Variants in NRXN3 observed in about 807,000 individuals in gnomAD.
NRXN3 encodes the protein neurexin 3, also known as neurexin III.
Under a neutral mutation model 137.6 loss-of-function variants are expected in NRXN3, and 32 were observed. The ratio of observed to expected loss-of-function variants is 0.23; its 90% CI spans 0.18 to 0.31. The LOEUF (loss-of-function observed/expected upper bound fraction) is 0.31. NRXN3 is among the 10% of genes least tolerant of loss of function. NRXN3 has a pLI of 1.00. For missense variants in NRXN3, 1,574 were observed against 2,062.5 expected (o/e 0.76, Z 4.59); for synonymous variants, 798 against 784.5 (o/e 1.02, Z -0.29).
intron 15 of NRXN3, among the ~76,000 whole-genome samples, chr14:79,155,110 C>A (rs757661721): frequency 3.0e-4 from 45 of 151,884 alleles, no homozygotes; most frequent in Admixed American, 4.6e-4. Context: ...TGTCACATTG[C>A]CACATGGAGC....
At chr14:79,674,035 A>G (rs1240939024) in intron 17 of NRXN3, among the ~76,000 whole-genome samples, 2 of 152,052 alleles carry the variant, frequency 1.3e-5, no homozygotes, top group Non-Finnish European at 2.9e-5. Flanking sequence ...AGAAGGTGCT[A>G]CTATTGAGGT....
chr14:78,366,411 TTG>T (rs1182436948), intron 4 of NRXN3, among the ~76,000 whole-genome samples: 1 of 152,158 alleles, frequency 6.6e-6, no homozygotes, highest in African/African-American at 2.4e-5. Flanking sequence ...AATAAAAAAT[TTG>T]TGTTTAAAAT....
intron 15 of NRXN3, among the ~76,000 whole-genome samples, chr14:79,405,360 G>C (rs149573637): frequency 6.6e-6 from 1 of 152,270 alleles, no homozygotes; most frequent in African/African-American, 2.4e-5. Flanking sequence ...TGTGCACTGG[G>C]AGAGTGAGAG....
chr14:79,134,031 C>T (rs201859945), intron 15 of NRXN3, among the ~76,000 whole-genome samples: 2 of 152,012 alleles, frequency 1.3e-5, no homozygotes, highest in South Asian at 2.1e-4. Context: ...GTCCTCATTC[C>T]GTATCTCCAT....
At chr14:79,099,592 T>C (rs1414070203) in intron 15 of NRXN3, among the ~76,000 whole-genome samples, 2 of 152,184 alleles carry the variant, frequency 1.3e-5, no homozygotes, top group Non-Finnish European at 2.9e-5. Context: ...GCCACCTTTA[T>C]TTAGGATCAT....
At chr14:78,767,123 G>T (rs769127017) in intron 8 of NRXN3, among the ~76,000 whole-genome samples, 70 of 152,176 alleles carry the variant, frequency 4.6e-4, no homozygotes, top group Non-Finnish European at 8.8e-4. Context: ...GCACAAAGAT[G>T]CAATCAAGCA....
intron 20 of NRXN3, among the ~76,000 whole-genome samples, chr14:79,815,443 A>G (rs2099248733): frequency 6.6e-6 from 1 of 152,226 alleles, no homozygotes; most frequent in Non-Finnish European, 1.5e-5. Context: ...GAGATCTTTC[A>G]GTCAGGCCAG....
intron 15 of NRXN3, among the ~76,000 whole-genome samples, chr14:79,256,489 GC>G (rs1208527117): frequency 6.6e-6 from 1 of 152,092 alleles, no homozygotes; most frequent in African/African-American, 2.4e-5. Context: ...GTAGTAGAGT[GC>G]CCCCTAGCAC....
chr14:79,404,656 G>A (rs984722145), intron 15 of NRXN3, among the ~76,000 whole-genome samples: 3 of 152,142 alleles, frequency 2.0e-5, no homozygotes, highest in South Asian at 2.1e-4. Flanking sequence ...ATTTAAAAAT[G>A]TATAAAGGGC....
intron 16 of NRXN3, among the ~76,000 whole-genome samples, chr14:79,522,427 C>G (rs780868268): frequency 3.9e-5 from 6 of 152,052 alleles, no homozygotes; most frequent in Non-Finnish European, 8.8e-5. Context: ...CCCAGAATTT[C>G]TTATGTAGGA....
intron 15 of NRXN3, chr14:79,246,526 C>T (rs1281275292): frequency 1.3e-5 from 2 of 152,200 alleles, no homozygotes; most frequent in African/African-American, 4.8e-5. Flanking sequence ...CCTCACCCTT[C>T]CCTTGTGATC....
intron 15 of NRXN3, among the ~76,000 whole-genome samples, chr14:79,130,688 T>C (rs2057335231): frequency 6.6e-6 from 1 of 152,174 alleles, no homozygotes; most frequent in African/African-American, 2.4e-5. Context: ...AGTACCTTTG[T>C]GGCGTTCTCT....
chr14:78,590,230 T>C (rs2097104517), intron 4 of NRXN3, among the ~76,000 whole-genome samples: 1 of 152,190 alleles, frequency 6.6e-6, no homozygotes, highest in African/African-American at 2.4e-5. Flanking sequence ...TCCATCATGG[T>C]CTGCTCCCAA....
At chr14:79,617,586 C>T (rs1442302684) in intron 16 of NRXN3, among the ~76,000 whole-genome samples, 1 of 152,136 alleles carries the variant, frequency 6.6e-6, no homozygotes, top group Non-Finnish European at 1.5e-5. Context: ...GTAGCAGAAA[C>T]AGAGATCCAC....
chr14:79,291,095 T>C (rs17109036), intron 15 of NRXN3, among the ~76,000 whole-genome samples: 1,993 of 152,274 alleles, frequency 0.013, 48 homozygotes, highest in African/African-American at 0.045. Flanking sequence ...GAGCCAATTA[T>C]TATATATCTT....
chr14:78,263,932 T>C (rs2071244905), intron 2 of NRXN3, among the ~76,000 whole-genome samples: 1 of 148,172 alleles, frequency 6.7e-6, no homozygotes, highest in East Asian at 2.0e-4. Context: ...TGTGTTTTCC[T>C]GACAGGTCTA....
At chr14:79,329,468 C>G (rs1014148806) in intron 15 of NRXN3, among the ~76,000 whole-genome samples, 3 of 152,196 alleles carry the variant, frequency 2.0e-5, no homozygotes, top group African/African-American at 7.2e-5. Context: ...GCTGCATACC[C>G]ATGAAGCTTC....
At chr14:79,818,147 G>A (rs904370077) in intron 20 of NRXN3, among the ~76,000 whole-genome samples, 9 of 139,046 alleles carry the variant, frequency 6.5e-5, no homozygotes, top group African/African-American at 1.9e-4. Context: ...TCCGCCTCCC[G>A]GGTTCACGCC....
chr14:78,308,046 C>T (rs144285802), intron 4 of NRXN3, among the ~76,000 whole-genome samples: 174 of 151,926 alleles, frequency 1.1e-3, no homozygotes, highest in African/African-American at 3.8e-3. Flanking sequence ...GTTGTAACAA[C>T]GATGGCAAGT....
Sources: gnomAD v4.1 joint callset for allele counts (sites outside exome capture counted in the v4.1 genomes callset) on GRCh38, gnomAD v4.1.1 for gene constraint, MANE v1.5 for transcripts, NCBI Gene and HGNC (gene_info 2026-07-23, HGNC 2026-07-21) for gene names.